SNX29: variants seen among roughly 807,000 people sequenced by gnomAD.
SNX29 encodes sorting nexin-29.
Under a neutral mutation model 102.1 loss-of-function variants are expected in SNX29, and 78 were observed. The observed-to-expected ratio is 0.76, with a 90% CI of 0.64 to 0.92. The LOEUF (loss-of-function observed/expected upper bound fraction) is 0.92. SNX29 is among the 40% of genes least tolerant of loss of function. SNX29 has a pLI of 0.00. For synonymous variants in SNX29, 580 were observed against 414.5 expected, an observed-to-expected ratio of 1.40 and a Z score of -4.85; for missense variants, 1,280 against 1,061.7, an observed-to-expected ratio of 1.21 and a Z score of -2.86.
intron 1 of SNX29, among the ~76,000 whole-genome samples, chr16:11,993,407 G>C (rs2055930199): frequency 6.6e-6 from 1 of 152,172 alleles, no homozygotes; most frequent in Admixed American, 6.5e-5. Context: ...GAATTGCTTT[G>C]CCTGGGCTTT....
chr16:12,462,147 G>A (rs947567096), intron 18 of SNX29, among the ~76,000 whole-genome samples: 3 of 150,800 alleles, frequency 2.0e-5, no homozygotes, highest in Non-Finnish European at 3.0e-5. Context: ...TGCTGGGCTC[G>A]ATCTCTTGCC....
chr16:12,487,243 G>A (rs781071881), intron 19 of SNX29, among the ~76,000 whole-genome samples: 5 of 152,138 alleles, frequency 3.3e-5, no homozygotes, highest in Admixed American at 6.5e-5. Context: ...AGACACACAC[G>A]TGCGTTCTCA....
chr16:12,423,214 C>T (rs2084935710), intron 18 of SNX29, among the ~76,000 whole-genome samples: 1 of 151,242 alleles, frequency 6.6e-6, no homozygotes, highest in Non-Finnish European at 1.5e-5. Flanking sequence ...TTTTTAAACA[C>T]AGAAATAAAA....
At chr16:12,552,122 G>C (rs7188027) in intron 20 of SNX29, among the ~76,000 whole-genome samples, 5 of 152,154 alleles carry the variant, frequency 3.3e-5, no homozygotes, top group Non-Finnish European at 7.3e-5. Flanking sequence ...TGGCTGATAC[G>C]GAAATGCCTG....
chr16:12,525,170 C>A (rs924316274), intron 20 of SNX29, among the ~76,000 whole-genome samples: 4 of 152,154 alleles, frequency 2.6e-5, no homozygotes, highest in African/African-American at 9.7e-5. Flanking sequence ...TGCTCCAAAA[C>A]TGAAACAAAT....
chr16:12,275,538 G>A (rs767782953), intron 14 of SNX29, among the ~76,000 whole-genome samples: 2 of 152,086 alleles, frequency 1.3e-5, no homozygotes, highest in Non-Finnish European at 2.9e-5. Context: ...GTTCATTAGC[G>A]TTTTATGAAT....
intron 13 of SNX29, among the ~76,000 whole-genome samples, chr16:12,177,090 G>A (rs2076277137): frequency 1.3e-5 from 2 of 152,118 alleles, no homozygotes; most frequent in Admixed American, 1.3e-4. Flanking sequence ...AGAGACTAGA[G>A]GTACACACCA....
At chr16:12,525,838 G>T (rs747658063) in intron 20 of SNX29, among the ~76,000 whole-genome samples, 1 of 152,136 alleles carries the variant, frequency 6.6e-6, no homozygotes, top group African/African-American at 2.4e-5. Flanking sequence ...CATGCCAGGC[G>T]TGCTGACTTC....
At chr16:11,987,504 C>A (rs1255818063) in intron 1 of SNX29, among the ~76,000 whole-genome samples, 1 of 150,062 alleles carries the variant, frequency 6.7e-6, no homozygotes, top group African/African-American at 2.5e-5. Flanking sequence ...TCGAGTAATT[C>A]TCCTGCCTTA....
intron 20 of SNX29, among the ~76,000 whole-genome samples, chr16:12,556,857 AATTTTTT>A (rs2078386160): frequency 6.6e-6 from 1 of 150,776 alleles, no homozygotes; most frequent in South Asian, 2.1e-4. Context: ...GAAAAAATTG[AATTTTTT>A]TTTTTTGAGA....
chr16:12,131,799 A>T (rs556607231), intron 13 of SNX29, among the ~76,000 whole-genome samples: 3 of 152,258 alleles, frequency 2.0e-5, no homozygotes, highest in African/African-American at 7.2e-5. Context: ...GCTCTAATGT[A>T]ATTGTTTTGT....
chr16:12,469,675 G>T (rs563044885), intron 18 of SNX29, among the ~76,000 whole-genome samples: 65 of 152,292 alleles, frequency 4.3e-4, no homozygotes, highest in African/African-American at 1.5e-3. Context: ...AATAGAGAGC[G>T]CATTTCTTAG....
intron 3 of SNX29, among the ~76,000 whole-genome samples, chr16:12,019,239 G>A (rs1028329333): frequency 1.3e-5 from 2 of 152,026 alleles, no homozygotes; most frequent in Non-Finnish European, 2.9e-5. Flanking sequence ...ATGGAGTCTC[G>A]CTCTGTCACC....
At chr16:12,313,037 C>T (rs209855) in intron 15 of SNX29, among the ~76,000 whole-genome samples, 62,887 of 149,812 alleles carry the variant, frequency 0.42, 15,151 homozygotes, top group Non-Finnish European at 0.57. Flanking sequence ...TTTTTTTAGA[C>T]GGAGTATCAC....
intron 19 of SNX29, among the ~76,000 whole-genome samples, chr16:12,513,056 C>T (rs2089702981): frequency 6.6e-6 from 1 of 152,084 alleles, no homozygotes; most frequent in South Asian, 2.1e-4. Flanking sequence ...GGAGGGGAGT[C>T]CCACCAAGGG....
chr16:12,423,410 C>A (rs12931371), intron 18 of SNX29, among the ~76,000 whole-genome samples: 1 of 151,890 alleles, frequency 6.6e-6, no homozygotes, highest in Admixed American at 6.6e-5. Context: ...AAGCTGCAGC[C>A]GGCATCACTC....
At chr16:12,493,034 T>C (rs958763474) in intron 19 of SNX29, among the ~76,000 whole-genome samples, 6 of 152,232 alleles carry the variant, frequency 3.9e-5, no homozygotes, top group Admixed American at 6.5e-5. Context: ...TGGTTCCATA[T>C]GAACTTTAAA....
chr16:12,084,543 C>T (rs1169680071), intron 11 of SNX29, among the ~76,000 whole-genome samples: 1 of 152,168 alleles, frequency 6.6e-6, no homozygotes, highest in Non-Finnish European at 1.5e-5. Context: ...GGAGCTGTAC[C>T]TGGGGTTGGA....
In SNX29 at chr16:12,570,448, C is replaced by T. The variant is rs1253098097; in HGVS notation, c.*1819C>T. The T allele has an allele frequency of 1.2e-5, 3 of 240,670 alleles. No individual in the cohort carries two copies. The highest frequency in any genetic ancestry group is 1.6e-5 in the Non-Finnish European group (2 of 125,082). 14.9% of individuals were successfully genotyped at this position (240,670 alleles called of 1,614,324 possible). On this transcript the variant is annotated 3_prime_UTR_variant, in exon 21 of 21. Transcript: ENST00000566228. ...ACTCTAAATAGAGAGCCCTAATGGA[C>T]TGAGGCAGGAAACGTCTAAAAGCTC...
Sources: gnomAD v4.1 joint callset for allele counts (sites outside exome capture counted in the v4.1 genomes callset) on GRCh38, gnomAD v4.1.1 for gene constraint, MANE v1.5 for transcripts, NCBI Gene and HGNC (gene_info 2026-07-23, HGNC 2026-07-21) for gene names.